Variants in CFH observed in about 807,000 individuals in gnomAD.
CFH encodes H factor 1 (complement).
In CFH, 53 loss-of-function variants were observed where a neutral mutation model predicts 147.3. The ratio of observed to expected loss-of-function variants is 0.36; its 90% CI spans 0.29 to 0.45. CFH has a LOEUF of 0.45. CFH is among the 20% of genes least tolerant of loss of function. The probability of loss-of-function intolerance (pLI) is 1.00; values close to 1 mark genes in which losing one functional copy is unlikely to be tolerated. For synonymous variants in CFH, 536 were observed against 489.4 expected, an observed-to-expected ratio of 1.10 and a Z score of -1.26; for missense variants, 1,380 against 1,498.0, an observed-to-expected ratio of 0.92 and a Z score of 1.30.
intron 1 of CFH, among the ~76,000 whole-genome samples, chr1:196,668,243 A>G (rs1667162998): frequency 1.3e-5 from 2 of 152,036 alleles, no homozygotes; most frequent in Admixed American, 6.6e-5. Flanking sequence ...TCTATAGTTG[A>G]GTCTGCTCTT....
At position 196,714,014 on chromosome 1, in the gene CFH, A is replaced by G. The variant is rs203678; in HGVS notation, c.1519+97A>G. 8.0e-3 allele frequency: 9,045 copies of G among 1,130,886 alleles called. 367 individuals carry two copies. In the African/African-American group the frequency reaches 0.1, roughly 13 times the overall value. 70.1% of individuals were successfully genotyped at this position (1,130,886 alleles called of 1,614,324 possible). A position where few individuals can be genotyped will look rare whatever the true frequency, so the allele number is the denominator to read the frequency against. ...TGGGGGCTGATATAATTTCATTTGA[A>G]AAGATAAGAAAAAAAAACCTGCAGG... is the stretch of plus-strand genomic sequence containing the variant. On this transcript the variant is annotated intron_variant, in intron 10 of 21. Coordinates refer to ENST00000367429, the MANE Select transcript of CFH (RefSeq NM_000186.4).
intron 11 of CFH, among the ~76,000 whole-genome samples, chr1:196,721,791 T>A (rs1276275755): frequency 6.7e-6 from 1 of 148,600 alleles, no homozygotes; most frequent in East Asian, 2.0e-4. Flanking sequence ...GCTTCCTTTA[T>A]CATTGTGTAA....
chr1:196,696,806 G>A (rs566183813), intron 9 of CFH, among the ~76,000 whole-genome samples: 2 of 152,154 alleles, frequency 1.3e-5, no homozygotes, highest in East Asian at 3.9e-4. Flanking sequence ...CCAAAACAGA[G>A]ATGCAGACCA....
At chr1:196,737,705 A>C (rs1652610128) in intron 17 of CFH, 45 bp downstream of exon 17, 1 of 1,515,688 alleles carries the variant, frequency 6.6e-7, no homozygotes, top group East Asian at 2.3e-5. Context: ...AGTAGAATTC[A>C]TAAAAATAAT....
chr1:196,731,969 T>C (rs1351927343), intron 15 of CFH, among the ~76,000 whole-genome samples: 1 of 152,080 alleles, frequency 6.6e-6, no homozygotes, highest in Non-Finnish European at 1.5e-5. Context: ...AAAGTGACTA[T>C]CTTTCATTAA....
At chr1:196,700,895 T>A in intron 9 of CFH, 2 of 982,718 alleles carry the variant, frequency 2.0e-6, no homozygotes, top group South Asian at 4.7e-5. Context: ...AGAAGAAGTC[T>A]CAGGTGAGTT....
chr1:196,672,292 G>A (rs988387913), intron 1 of CFH, among the ~76,000 whole-genome samples: 1 of 152,080 alleles, frequency 6.6e-6, no homozygotes, highest in Non-Finnish European at 1.5e-5. Flanking sequence ...ATATTTACTT[G>A]AAACAGGTCC....
chr1:196,730,007 T>C (rs1191901266), intron 15 of CFH, among the ~76,000 whole-genome samples: 1 of 151,946 alleles, frequency 6.6e-6, no homozygotes, highest in Non-Finnish European at 1.5e-5. Context: ...TAAAGCTTTG[T>C]CAATTTTTGA....
rs71567586 is a variant in CFH, at chr1:196,693,955, G to GGTGTGTGTGTGTGT, written c.1336+3739_1336+3752dup. Among the ~76,000 whole-genome samples the GGTGTGTGTGTGTGT allele has an allele frequency of 2.1e-3, 300 of 142,744 alleles. 1 individual carries two copies. Among genetic ancestry groups the GGTGTGTGTGTGTGT allele is most frequent in the African/African-American group, 5.4e-3 (206 of 38,156 alleles). The allele number at this position is 142,744 out of a possible 152,430, so 93.6% of individuals were successfully genotyped here. A position where few individuals can be genotyped will look rare whatever the true frequency, so the allele number is the denominator to read the frequency against. On this transcript the variant is annotated intron_variant, in intron 9 of 21. Coordinates refer to ENST00000367429, the MANE Select transcript of CFH (RefSeq NM_000186.4). ...CTAAGACTGGGTTTGTTAGATAAAT[G>GGTGTGTGTGTGTGT]GTGTGTGTGTGTGTGTGTGTGTGTG...
Position 196,690,825 on chromosome 1 carries a change from C to T in CFH, c.1336+586C>T, listed in dbSNP as rs1171544127. Among the ~76,000 whole-genome samples the T allele has an allele frequency of 2.0e-5, 3 of 152,122 alleles. No homozygotes were observed. In the East Asian group the frequency reaches 5.8e-4, roughly 29 times the overall value. On this transcript the variant is annotated intron_variant, in intron 9 of 21. Transcript: ENST00000367429. ...ATGCCAGGAAGCTGGCCGCCCCACC[C>T]TAATCTTATTAATCAAATGGGATCT...
Position 196,743,520 on chromosome 1 carries a change from C to A in CFH, c.3202C>A (p.Pro1068Thr). 1 of 1,613,978 alleles carries A rather than the reference C, an allele frequency of 6.2e-7. No individual in the cohort carries two copies. The highest frequency in any genetic ancestry group is 8.5e-7 in the Non-Finnish European group (1 of 1,179,914). Residue 1068 changes from proline to threonine, a missense_variant, in exon 20 of 22, where the codon CCA becomes ACA. Around this residue, in one of 4 missense-constraint regions of CFH, gnomAD observed 830 missense variants for 821.4 expected, o/e 1.01. Coordinates refer to ENST00000367429, the MANE Select transcript of CFH (RefSeq NM_000186.4). ...YIVSRQMSKY[P>T]SGERVRYQCR... ...AGTGTCGAGACAGATGAGTAAATATCCATCTGGTGAGAGAGTACGTTATCA... is the reference window on the plus strand; with the variant it reads ...AGTGTCGAGACAGATGAGTAAATATACATCTGGTGAGAGAGTACGTTATCA...
At chr1:196,679,836 A>C (rs757325567) in intron 6 of CFH, 43 bp downstream of exon 6, 1 of 1,512,862 alleles carries the variant, frequency 6.6e-7, no homozygotes, top group Non-Finnish European at 9.1e-7. Flanking sequence ...AATTTATCAC[A>C]TATTTTAATT....
chr1:196,710,719 T>A (rs898890230), intron 9 of CFH, among the ~76,000 whole-genome samples: 3 of 152,142 alleles, frequency 2.0e-5, no homozygotes, highest in Admixed American at 6.6e-5. Context: ...AGTATTAAAT[T>A]TTTCAATCCA....
Position 196,714,654 on chromosome 1 carries a change from TATATATATATATATAGAG to T in CFH, c.1519+739_1519+756del, listed in dbSNP as rs1361995724. Among the ~76,000 whole-genome samples, 8 of 50,046 alleles carry T rather than the reference TATATATATATATATAGAG, an allele frequency of 1.6e-4. No individual in the cohort carries two copies. In the East Asian group the frequency reaches 2.0e-3, roughly 13 times the overall value. The allele number at this position is 50,046 out of a possible 152,430, so 32.8% of individuals were successfully genotyped here. ...ATATATGTATATATATATATATATATATATATATATATATAGAGAGAGAGAGAGAGAGAGAGAGAGAGA... is the reference window on the plus strand; with the variant it reads ...ATATATGTATATATATATATATATATAGAGAGAGAGAGAGAGAGAGAGAGA... On this transcript the variant is annotated intron_variant, in intron 10 of 21. Coordinates refer to ENST00000367429, the MANE Select transcript of CFH (RefSeq NM_000186.4).
At chr1:196,722,214 T>C (rs780739553) in intron 11 of CFH, among the ~76,000 whole-genome samples, 3 of 152,116 alleles carry the variant, frequency 2.0e-5, no homozygotes, top group African/African-American at 7.2e-5. Context: ...CAGGACTCCC[T>C]GGATCATTTC....
chr1:196,675,842 AAAAC>A (rs1213245381), intron 3 of CFH, 143 bp from the exon 4 acceptor site: 4 of 548,514 alleles, frequency 7.3e-6, no homozygotes, highest in African/African-American at 3.8e-5. Flanking sequence ...GGAGGAAGGA[AAAAC>A]AAACAAGAAA....
rs530252102 is a variant in CFH at position 196,698,576 on chromosome 1, G to T, written c.1336+8337G>T. Reference sequence around the variant, plus strand: ...AAACACAAGTTCTGAAATTGTGGTAGTAATTAATAGCCTGCCAACCAAAAA... The same window carrying T: ...AAACACAAGTTCTGAAATTGTGGTATTAATTAATAGCCTGCCAACCAAAAA... On this transcript the variant is annotated intron_variant, in intron 9 of 21. Transcript: ENST00000367429. 2.0e-5 allele frequency among the ~76,000 whole-genome samples: 3 copies of T among 152,288 alleles called. No homozygotes were observed. In the South Asian group the frequency reaches 6.2e-4, roughly 32 times the overall value.
rs775533448 is a variant in CFH, at chr1:196,690,197, A to G, written c.1294A>G (p.Met432Val). 2.4e-5 allele frequency: 39 copies of G among 1,613,440 alleles called. No homozygotes were observed. In the South Asian group the frequency reaches 4.0e-4, roughly 16 times the overall value. ...AAAAGCGCAGACCACAGTTACATGT[A>G]TGGAGAATGGCTGGTCTCCTACTCC... ...LPKAQTTVTC[M>V]ENGWSPTPRC... is the part of the protein sequence containing the mutation. The change falls in exon 9 of 22, where the codon ATG becomes GTG. Residue 432 changes from methionine to valine, a missense_variant. Transcript: ENST00000367429.
intron 9 of CFH, chr1:196,701,301 T>C: frequency 7.4e-6 from 12 of 1,613,772 alleles, no homozygotes; most frequent in Non-Finnish European, 1.0e-5. Context: ...AATCATCTGC[T>C]CTTCAATCTT....
Sources: allele counts gnomAD v4.1 joint callset (sites outside exome capture counted in the v4.1 genomes callset), GRCh38; gene constraint gnomAD v4.1.1; regional missense constraint gnomAD v4.1.1; transcripts MANE v1.5; gene names NCBI Gene and HGNC (gene_info 2026-07-23, HGNC 2026-07-21).